UBE2T: variants seen among roughly 807,000 people sequenced by gnomAD.
The protein encoded by UBE2T is ubiquitin conjugating enzyme E2 T.
A neutral mutation model predicts 23.3 loss-of-function variants in UBE2T; 15 were observed. That is an observed-to-expected ratio of 0.64 (90% CI 0.43 to 0.99). UBE2T has a LOEUF of 0.99. Among genes scored for constraint, UBE2T ranks in the 50% least tolerant of loss-of-function variants. UBE2T has a pLI of 0.00. For missense variants in UBE2T, 197 were observed against 234.9 expected, an observed-to-expected ratio of 0.84 and a Z score of 1.05; for synonymous variants, 67 against 78.4, an observed-to-expected ratio of 0.85 and a Z score of 0.77.
chr1:202,336,695 A>C (rs1303763435), intron 1 of UBE2T, among the ~76,000 whole-genome samples: 1 of 152,186 alleles, frequency 6.6e-6, no homozygotes, highest in Non-Finnish European at 1.5e-5. Context: ...TGTGAGAGCA[A>C]GAATGGTAGA....
chr1:202,332,058 TGCAAGA>T (rs1290034656), intron 6 of UBE2T, 98 bp from the exon 7 acceptor site: 11 of 1,477,278 alleles, frequency 7.4e-6, no homozygotes. Context: ...ACTTCTTTGT[TGCAAGA>T]TTTAAATACA....
intron 3 of UBE2T, among the ~76,000 whole-genome samples, chr1:202,333,926 G>GT (rs879358529): frequency 3.5e-3 from 506 of 144,574 alleles, no homozygotes; most frequent in Non-Finnish European, 3.4e-3. Context: ...GTTCTCCCCA[G>GT]TTTTTTTTTT....
At chr1:202,334,765 A>C (rs1394795966) in intron 3 of UBE2T, among the ~76,000 whole-genome samples, 2 of 152,222 alleles carry the variant, frequency 1.3e-5, no homozygotes, top group Non-Finnish European at 2.9e-5. Flanking sequence ...TGTATATTTT[A>C]TCACAATTTA....
chr1:202,333,926 G>GTT (rs879358529), intron 3 of UBE2T, among the ~76,000 whole-genome samples: 1 of 145,260 alleles, frequency 6.9e-6, no homozygotes, highest in Non-Finnish European at 1.5e-5. Context: ...GTTCTCCCCA[G>GTT]TTTTTTTTTT....
At chr1:202,340,527 A>G (rs1654978103) in intron 1 of UBE2T, among the ~76,000 whole-genome samples, 1 of 151,794 alleles carries the variant, frequency 6.6e-6, no homozygotes, top group Admixed American at 6.6e-5. Flanking sequence ...AAAAAAAAAA[A>G]GAAAAAAAGA....
At chr1:202,332,199 G>A (rs909091356) in intron 6 of UBE2T, among the ~76,000 whole-genome samples, 6 of 152,160 alleles carry the variant, frequency 3.9e-5, no homozygotes, top group African/African-American at 1.4e-4. Context: ...AACTCAGCAA[G>A]AACTATGATG....
At chr1:202,338,228 TA>T (rs1466162356) in intron 1 of UBE2T, among the ~76,000 whole-genome samples, 1 of 152,196 alleles carries the variant, frequency 6.6e-6, no homozygotes, top group African/African-American at 2.4e-5. Flanking sequence ...GATTTTTTTT[TA>T]TTTTTTTGAG....
chr1:202,333,368 A>AT, intron 4 of UBE2T, 33 bp from the exon 5 acceptor site: 1 of 1,613,854 alleles, frequency 6.2e-7, no homozygotes, highest in Non-Finnish European at 8.5e-7. Flanking sequence ...TTGCTTTTAT[A>AT]TTAGAATGTG....
At chr1:202,333,421 G>A in intron 4 of UBE2T, 29 bp downstream of exon 4, 1 of 1,613,080 alleles carries the variant, frequency 6.2e-7, no homozygotes, top group Non-Finnish European at 8.5e-7. Context: ...ACAGAATGCT[G>A]TAGAGTCAAC....
At chr1:202,337,338 A>C (rs944166057) in intron 1 of UBE2T, among the ~76,000 whole-genome samples, 1 of 152,200 alleles carries the variant, frequency 6.6e-6, no homozygotes, top group African/African-American at 2.4e-5. Context: ...CTCTTAACAT[A>C]ATCAATCTTA....
At chr1:202,332,986 T>C (rs1437195234) in intron 6 of UBE2T, 24 bp downstream of exon 6, 2 of 1,483,924 alleles carry the variant, frequency 1.3e-6, no homozygotes, top group Non-Finnish European at 9.3e-7. Context: ...CTTAATTAAC[T>C]GACAATAGTA....
rs1654855278 is a variant in UBE2T at position 202,335,204 on chromosome 1, C to G, written c.110-146G>C. On this transcript the variant is annotated intron_variant, in intron 2 of 6. Coordinates refer to ENST00000646651, the MANE Select transcript of UBE2T (RefSeq NM_014176.4). The surrounding 1 kb of genome is among the most constrained non-coding windows in gnomAD (Gnocchi z 4.0). The stretch of plus-strand genomic sequence containing the variant: ...GCCAGGACTTTAACAAGTCCTCATG[C>G]AACACACCACAATGCTAATGTACTC... 5 of 633,160 alleles carry G rather than the reference C, an allele frequency of 7.9e-6. No individual in the cohort carries two copies. The highest frequency in any genetic ancestry group is 5.8e-5 in the Admixed American group (2 of 34,412). The allele number at this position is 633,160 out of a possible 1,614,324, so 39.2% of individuals were successfully genotyped here.
rs1473215921 is a variant in UBE2T at position 202,335,575 on chromosome 1, C to G, written c.109+71G>C. The G allele has an allele frequency of 5.4e-6, 8 of 1,477,074 alleles. No homozygotes were observed. The South Asian group carries it at 8.1e-5, about 15-fold the overall frequency. The allele number at this position is 1,477,074 out of a possible 1,614,324, so 91.5% of individuals were successfully genotyped here. On this transcript the variant is annotated intron_variant, in intron 2 of 6. Transcript: ENST00000646651. This position sits in a 1 kb window ranked among gnomAD's most constrained non-coding sequence, Gnocchi z 4.0. The stretch of plus-strand genomic sequence containing the variant: ...CTGCTCCTTACTTTAGAAGAATACA[C>G]AAAATGTTTTATTTCAGCACAATCT...
chr1:202,341,881 C>A lies in UBE2T; in HGVS notation c.-65+14G>T, dbSNP rs1655017587. 6.6e-6 allele frequency: 1 copy of A among 152,356 alleles called. No individual in the cohort carries two copies. The highest frequency in any genetic ancestry group is 2.4e-5 in the African/African-American group (1 of 41,474). The allele number at this position is 152,356 out of a possible 1,614,324, so 9.4% of individuals were successfully genotyped here. A position where few individuals can be genotyped will look rare whatever the true frequency, so the allele number is the denominator to read the frequency against. On this transcript the variant is annotated intron_variant, in intron 1 of 6. Transcript: ENST00000646651. ...TTCTTTCAGATGGGGAACCGGAATA[C>A]TCTCCTTGCTTACCTGAGCTGACAC...
chr1:202,338,278 G>C (rs1654928505), intron 1 of UBE2T, among the ~76,000 whole-genome samples: 1 of 147,494 alleles, frequency 6.8e-6, no homozygotes, highest in East Asian at 2.0e-4. Flanking sequence ...GGAGTGCAAT[G>C]GTGTGCTCTT....
At chr1:202,341,513 G>A (rs1407153381) in intron 1 of UBE2T, among the ~76,000 whole-genome samples, 1 of 134,014 alleles carries the variant, frequency 7.5e-6, no homozygotes, top group Non-Finnish European at 1.6e-5. Flanking sequence ...GGGAGGCGGA[G>A]CTTGCAGTGA....
intron 1 of UBE2T, among the ~76,000 whole-genome samples, chr1:202,340,839 T>C (rs1284801533): frequency 2.0e-5 from 3 of 152,238 alleles, no homozygotes; most frequent in African/African-American, 4.8e-5. Flanking sequence ...CCAGCCTCAC[T>C]ATGTTAACCA....
In UBE2T at chr1:202,335,696, G is replaced by A. The variant is rs1654865182; in HGVS notation, c.59C>T (p.Pro20Leu). ...TTTATCTTGCCAACATGTGATGCCTGGGGGTGGCTCTGTGGCTAACATGTG... is the reference window on the plus strand; with the variant it reads ...TTTATCTTGCCAACATGTGATGCCTAGGGGTGGCTCTGTGGCTAACATGTG... ...ELHMLATEPPPGITCWQDKDQ... is the reference protein window; with the variant it reads ...ELHMLATEPPLGITCWQDKDQ... The change falls in exon 2 of 7, where the codon CCA becomes CTA. Residue 20 changes from proline to leucine, a missense_variant. By Grantham distance (98) the Pro-to-Leu change is moderately conservative. Coordinates refer to ENST00000646651, the MANE Select transcript of UBE2T (RefSeq NM_014176.4). The surrounding 1 kb of genome is among the most constrained non-coding windows in gnomAD (Gnocchi z 4.0). 1.9e-6 allele frequency: 3 copies of A among 1,613,928 alleles called. No individual in the cohort carries two copies. Among genetic ancestry groups the A allele is most frequent in the South Asian group, 2.2e-5 (2 of 91,076 alleles).
chr1:202,333,609 T>C, intron 3 of UBE2T, 54 bp from the exon 4 acceptor site: 2 of 1,477,074 alleles, frequency 1.4e-6, no homozygotes, highest in Non-Finnish European at 1.9e-6. Flanking sequence ...TGCTTCTAAA[T>C]ACATTTAAAT....
Sources: allele counts gnomAD v4.1 joint callset (sites outside exome capture counted in the v4.1 genomes callset), GRCh38; gene constraint gnomAD v4.1.1; non-coding constraint Gnocchi (gnomAD v3.1); transcripts MANE v1.5; gene names NCBI Gene and HGNC (gene_info 2026-07-23, HGNC 2026-07-21).